FBXO33: variants seen among roughly 807,000 people sequenced by gnomAD.
The protein encoded by FBXO33 is F-box protein 33, also known as F-box only protein 33.
A neutral mutation model predicts 46.3 loss-of-function variants in FBXO33; 22 were observed. The ratio of observed to expected loss-of-function variants is 0.48; its 90% CI spans 0.34 to 0.68. The LOEUF is 0.68. Among genes scored for constraint, FBXO33 ranks in the 30% least tolerant of loss-of-function variants. The pLI is 0.01. For synonymous variants in FBXO33, 337 were observed against 291.3 expected (o/e 1.16, Z -1.60); for missense variants, 692 against 708.8 (o/e 0.98, Z 0.27).
chr14:39,413,727 T>G (rs561481064), intron 1 of FBXO33, among the ~76,000 whole-genome samples: 1 of 152,366 alleles, frequency 6.6e-6, no homozygotes, highest in Non-Finnish European at 1.5e-5. Context: ...ATCTCCTGGT[T>G]CATCTGCACC....
intron 1 of FBXO33, among the ~76,000 whole-genome samples, chr14:39,419,499 A>C (rs1448988521): frequency 6.6e-6 from 1 of 152,216 alleles, no homozygotes; most frequent in Admixed American, 6.5e-5. Flanking sequence ...ACTGAGAAGA[A>C]CATCTAGGCA....
At chr14:39,413,322 T>C (rs1024646581) in intron 1 of FBXO33, among the ~76,000 whole-genome samples, 1 of 152,244 alleles carries the variant, frequency 6.6e-6, no homozygotes, top group Non-Finnish European at 1.5e-5. Flanking sequence ...TATGATGAGA[T>C]TGTAGCAATT....
chr14:39,401,402 G>A lies in FBXO33; in HGVS notation c.1170C>T (p.Pro390=). 1 of 1,614,094 alleles carries A rather than the reference G, an allele frequency of 6.2e-7. No individual in the cohort carries two copies. Residue 390 remains proline, a synonymous_variant, in exon 3 of 4, where the codon CCC becomes CCT. Coordinates refer to ENST00000298097, the MANE Select transcript of FBXO33 (RefSeq NM_203301.4). ...AATGAATCCTCTCTAGTGGTATACT[G>A]GGTTTCAGAATCTTTAACATATCTT... ...KSEDMLKILK[P]SIPLERIHFD...
chr14:39,403,175 T>C (rs1289145014), intron 1 of FBXO33, among the ~76,000 whole-genome samples: 2 of 152,358 alleles, frequency 1.3e-5, no homozygotes, highest in East Asian at 1.9e-4. Context: ...ACATGTTAAA[T>C]GCTCCAGGGT....
In FBXO33 at chr14:39,401,885, G is replaced by T. The variant is rs375109467; in HGVS notation, c.711-24C>A. 6 of 1,550,272 alleles carry T rather than the reference G, an allele frequency of 3.9e-6. No individual in the cohort carries two copies. In the African/African-American group the frequency reaches 8.2e-5, roughly 21 times the overall value. On this transcript the variant is annotated intron_variant, in intron 2 of 3. Coordinates refer to ENST00000298097, the MANE Select transcript of FBXO33 (RefSeq NM_203301.4). ...TTCTATAAGGAAAACACATGCCACA[G>T]TGATCCCATTAACATTTAGTTCTAA... is the stretch of plus-strand genomic sequence containing the variant.
chr14:39,428,887 T>G (rs1477634689), intron 1 of FBXO33, among the ~76,000 whole-genome samples: 1 of 152,212 alleles, frequency 6.6e-6, no homozygotes. Flanking sequence ...TTACTGCCCC[T>G]CTGTTCTTAC....
chr14:39,422,835 T>C (rs2139418193), intron 1 of FBXO33, among the ~76,000 whole-genome samples: 1 of 152,298 alleles, frequency 6.6e-6, no homozygotes, highest in Non-Finnish European at 1.5e-5. Flanking sequence ...TATTAAAAAA[T>C]GCTTAAGGCC....
rs1032302136 is a variant in FBXO33 at position 39,431,728 on chromosome 14, G to C, written c.435C>G (p.Ala145=). The C allele has an allele frequency of 2.5e-5, 40 of 1,613,144 alleles. No homozygotes were observed. The highest frequency in any genetic ancestry group is 3.1e-5 in the Non-Finnish European group (37 of 1,179,994). The change falls in exon 1 of 4, where the codon GCC becomes GCG. Residue 145 remains alanine, a synonymous_variant. Coordinates refer to ENST00000298097, the MANE Select transcript of FBXO33 (RefSeq NM_203301.4). ...GGCCACCGCCGCTCAGATAGTTCTCGGCGGCGAATTCAACACGCAGCTCTC... is the reference window on the plus strand; with the variant it reads ...GGCCACCGCCGCTCAGATAGTTCTCCGCGGCGAATTCAACACGCAGCTCTC... ...FVRELRVEFA[A]ENYLSGGGPG...
At chr14:39,412,338 A>G (rs771666303) in intron 1 of FBXO33, among the ~76,000 whole-genome samples, 4 of 152,170 alleles carry the variant, frequency 2.6e-5, no homozygotes, top group Non-Finnish European at 5.9e-5. Flanking sequence ...TTTTTGACTT[A>G]AAGTCTATTT....
chr14:39,426,828 C>T (rs926934300), intron 1 of FBXO33, among the ~76,000 whole-genome samples: 9 of 152,204 alleles, frequency 5.9e-5, no homozygotes, highest in Non-Finnish European at 1.2e-4. Flanking sequence ...CCTAATGTTG[C>T]CACCTAGTGA....
intron 1 of FBXO33, among the ~76,000 whole-genome samples, chr14:39,418,571 T>C (rs543321100): frequency 6.8e-4 from 102 of 149,598 alleles, no homozygotes; most frequent in African/African-American, 1.9e-3. Flanking sequence ...GTCAGGAGAT[T>C]GAGACCATCC....
intron 1 of FBXO33, among the ~76,000 whole-genome samples, chr14:39,405,647 A>C (rs899240199): frequency 6.6e-6 from 1 of 152,044 alleles, no homozygotes; most frequent in Non-Finnish European, 1.5e-5. Flanking sequence ...AAAAATGAAA[A>C]ACTTGATATC....
At chr14:39,417,776 G>A (rs1405863144) in intron 1 of FBXO33, among the ~76,000 whole-genome samples, 3 of 152,114 alleles carry the variant, frequency 2.0e-5, no homozygotes, top group Non-Finnish European at 4.4e-5. Flanking sequence ...TGATCCACTC[G>A]CCTCGGCCTC....
chr14:39,416,256 G>GT (rs71435661), intron 1 of FBXO33, among the ~76,000 whole-genome samples: 8,730 of 149,576 alleles, frequency 0.058, 779 homozygotes, highest in African/African-American at 0.2. Context: ...TTGGTTGACA[G>GT]TTTTTTTTTT....
chr14:39,421,674 C>G (rs901301482), intron 1 of FBXO33, among the ~76,000 whole-genome samples: 18 of 152,034 alleles, frequency 1.2e-4, no homozygotes, highest in African/African-American at 4.3e-4. Context: ...ATGATATGAA[C>G]AGAACACTGC....
chr14:39,415,162 T>C (rs1399039174), intron 1 of FBXO33, among the ~76,000 whole-genome samples: 2 of 152,134 alleles, frequency 1.3e-5, no homozygotes, highest in Non-Finnish European at 2.9e-5. Context: ...GGGCTCAGTG[T>C]GGTGGTTTAC....
chr14:39,400,801 T>C (rs2075365154), intron 3 of FBXO33, among the ~76,000 whole-genome samples: 1 of 152,154 alleles, frequency 6.6e-6, no homozygotes, highest in Admixed American at 6.6e-5. Flanking sequence ...AAAGATGAGG[T>C]AGTGAGCATG....
chr14:39,431,791 C>A lies in FBXO33; in HGVS notation c.372G>T (p.Arg124=). 2 of 1,612,378 alleles carry A rather than the reference C, an allele frequency of 1.2e-6. No homozygotes were observed. The highest frequency in any genetic ancestry group is 1.7e-6 in the Non-Finnish European group (2 of 1,179,964). Residue 124 remains arginine, a synonymous_variant, in exon 1 of 4, where the codon CGG becomes CGT. Transcript: ENST00000298097. Reference sequence around the variant, plus strand: ...CGCACTTGCGCATGAGGAATTCCAGCCGAGGCTGCTCCGCGGGCGAGACGC... The same window carrying A: ...CGCACTTGCGCATGAGGAATTCCAGACGAGGCTGCTCCGCGGGCGAGACGC... ...CLRVSPAEQP[R]LEFLMRKCGW... is the part of the protein sequence containing the mutation.
rs149834054 is a variant in FBXO33 at position 39,422,580 on chromosome 14, G to C, written c.599+8984C>G. On this transcript the variant is annotated intron_variant, in intron 1 of 3. Transcript: ENST00000298097. ...TCCTTATCACCTTCCTCCTTACCTGGCTGACTTCTTCTACATTTCATTGCT... is the reference window on the plus strand; with the variant it reads ...TCCTTATCACCTTCCTCCTTACCTGCCTGACTTCTTCTACATTTCATTGCT... Among the ~76,000 whole-genome samples, 11 of 152,216 alleles carry C rather than the reference G, an allele frequency of 7.2e-5. No homozygotes were observed. In the East Asian group the frequency reaches 2.1e-3, roughly 29 times the overall value.
Sources: gnomAD v4.1 joint callset for allele counts (sites outside exome capture counted in the v4.1 genomes callset) on GRCh38, gnomAD v4.1.1 for gene constraint, MANE v1.5 for transcripts, NCBI Gene and HGNC (gene_info 2026-07-23, HGNC 2026-07-21) for gene names.